NCOA1: variants seen among roughly 807,000 people sequenced by gnomAD.
The protein encoded by NCOA1 is Hin-2 protein.
A neutral mutation model predicts 150.9 loss-of-function variants in NCOA1; 35 were observed. The ratio of observed to expected loss-of-function variants is 0.23; its 90% CI spans 0.18 to 0.31. The LOEUF (loss-of-function observed/expected upper bound fraction) is 0.31, where lower values mean the gene tolerates loss of function less well. Among genes scored for constraint, NCOA1 ranks in the 10% least tolerant of loss-of-function variants. NCOA1 has a pLI of 1.00. For synonymous variants in NCOA1, 590 were observed against 630.0 expected, an observed-to-expected ratio of 0.94 and a Z score of 0.95; for missense variants, 1,491 against 1,749.3, an observed-to-expected ratio of 0.85 and a Z score of 2.63.
At chr2:24,569,062 G>A (rs569409145) in intron 2 of NCOA1, among the ~76,000 whole-genome samples, 1 of 152,160 alleles carries the variant, frequency 6.6e-6, no homozygotes, top group African/African-American at 2.4e-5. Flanking sequence ...AAAAGAAGTT[G>A]CAGCAGGATA....
intron 21 of NCOA1, among the ~76,000 whole-genome samples, chr2:24,760,519 T>C (rs1378454651): frequency 6.6e-6 from 1 of 152,084 alleles, no homozygotes; most frequent in African/African-American, 2.4e-5. Flanking sequence ...TCTGAAAAAG[T>C]CTTTCACCTT....
At chr2:24,746,254 C>A (rs1190890178) in intron 19 of NCOA1, among the ~76,000 whole-genome samples, 1 of 152,104 alleles carries the variant, frequency 6.6e-6, no homozygotes, top group East Asian at 1.9e-4. Flanking sequence ...TTAACATAGT[C>A]TAGCCCAGCT....
intron 3 of NCOA1, among the ~76,000 whole-genome samples, chr2:24,614,229 T>TTTTTTTTTTTC (rs1668771317): frequency 7.8e-6 from 1 of 127,628 alleles, no homozygotes; most frequent in Non-Finnish European, 1.7e-5. Context: ...TTTTTTTTTT[T>TTTTTTTTTTTC]TTGCTATGGG....
chr2:24,542,961 A>G (rs1259674051), intron 1 of NCOA1, among the ~76,000 whole-genome samples: 5 of 152,220 alleles, frequency 3.3e-5, no homozygotes, highest in African/African-American at 1.2e-4. Context: ...TGGAAACTCA[A>G]AAGTATTTAA....
chr2:24,535,698 T>C (rs866722647), intron 1 of NCOA1, among the ~76,000 whole-genome samples: 1 of 152,210 alleles, frequency 6.6e-6, no homozygotes, highest in African/African-American at 2.4e-5. Flanking sequence ...TTATTTTTCC[T>C]TCACTTATGA....
At chr2:24,724,142 T>C (rs970432492) in intron 14 of NCOA1, among the ~76,000 whole-genome samples, 2 of 152,118 alleles carry the variant, frequency 1.3e-5, no homozygotes, top group Admixed American at 6.6e-5. Context: ...TTTAGCTATA[T>C]TTTAAATGGA....
intron 1 of NCOA1, among the ~76,000 whole-genome samples, chr2:24,499,815 A>C (rs886122353): frequency 3.9e-5 from 6 of 152,188 alleles, no homozygotes; most frequent in South Asian, 4.1e-4. Context: ...AGCCCTGTCT[A>C]TTATTTGACT....
At chr2:24,603,623 C>A (rs1162950450) in intron 3 of NCOA1, among the ~76,000 whole-genome samples, 1 of 152,244 alleles carries the variant, frequency 6.6e-6, no homozygotes, top group African/African-American at 2.4e-5. Flanking sequence ...TCATAAGAAG[C>A]ATCTCCTTAT....
At chr2:24,661,249 C>T (rs1195583262) in intron 5 of NCOA1, among the ~76,000 whole-genome samples, 1 of 152,100 alleles carries the variant, frequency 6.6e-6, no homozygotes, top group Non-Finnish European at 1.5e-5. Context: ...AAGGGCATTT[C>T]CATGATGATT....
chr2:24,673,291 ATG>A (rs1671763015), intron 6 of NCOA1, 73 bp from the exon 7 acceptor site: 2 of 1,000,574 alleles, frequency 2.0e-6, no homozygotes, highest in South Asian at 3.7e-5. Flanking sequence ...TGGTGGATCT[ATG>A]TCTTCGTAAA....
intron 2 of NCOA1, among the ~76,000 whole-genome samples, chr2:24,575,355 C>G (rs1666911124): frequency 6.6e-6 from 1 of 152,058 alleles, no homozygotes; most frequent in Admixed American, 6.5e-5. Context: ...TTCAACACTT[C>G]CATATCTTTT....
chr2:24,540,079 T>C (rs1465599446), intron 1 of NCOA1, among the ~76,000 whole-genome samples: 1 of 152,126 alleles, frequency 6.6e-6, no homozygotes, highest in Admixed American at 6.5e-5. Flanking sequence ...CTGAAAGCAA[T>C]ATGAGATAAG....
intron 3 of NCOA1, among the ~76,000 whole-genome samples, chr2:24,611,102 A>G (rs758677308): frequency 5.9e-5 from 9 of 152,166 alleles, no homozygotes; most frequent in Non-Finnish European, 1.2e-4. Flanking sequence ...CCTTGCTCCC[A>G]TCTCTCCCTC....
At chr2:24,708,747 C>T (rs1477017017) in intron 13 of NCOA1, among the ~76,000 whole-genome samples, 5 of 152,208 alleles carry the variant, frequency 3.3e-5, no homozygotes, top group Non-Finnish European at 5.9e-5. Flanking sequence ...ATAGGTCCTT[C>T]GGTTTCTTGA....
At chr2:24,677,689 G>C (rs935443327) in intron 7 of NCOA1, among the ~76,000 whole-genome samples, 3 of 152,158 alleles carry the variant, frequency 2.0e-5, no homozygotes, top group African/African-American at 7.2e-5. Context: ...CTCCCAAAGT[G>C]CTGGGATTAC....
intron 14 of NCOA1, chr2:24,711,374 A>C (rs1572627614): frequency 3.5e-6 from 1 of 287,818 alleles, no homozygotes; most frequent in Non-Finnish European, 6.4e-6. Context: ...GTCTCACCCA[A>C]AACACCCCAT....
At position 24,687,303 on chromosome 2, in the gene NCOA1, C is replaced by T. The variant is rs56058663; in HGVS notation, c.532+4175C>T. ...GAAAGCTGAAACTGTCCCTGATAAC[C>T]GAATAGATCAGGATAAACATTATCT... On this transcript the variant is annotated intron_variant, in intron 8 of 22. Coordinates refer to ENST00000348332, the MANE Select transcript of NCOA1 (RefSeq NM_003743.5). Among the ~76,000 whole-genome samples, 272 of 152,120 alleles carry T rather than the reference C, an allele frequency of 1.8e-3. 2 individuals are homozygous for T. The highest frequency in any genetic ancestry group is 6.3e-3 in the African/African-American group (260 of 41,496).
In NCOA1 at chr2:24,691,596, G is replaced by A. The variant is rs765981740; in HGVS notation, c.648G>A (p.Gln216=). 3.1e-6 allele frequency: 5 copies of A among 1,614,032 alleles called. No individual in the cohort carries two copies. Among genetic ancestry groups the A allele is most frequent in the South Asian group, 1.1e-5 (1 of 91,084 alleles). The part of the protein sequence containing the change: ...EPGTENQEAC[Q]RYEVMQCFTV... ...GGACCGAGAACCAAGAAGCTTGCCAGCGTTATGAAGTAATGCAGTGTTTCA... is the reference window on the plus strand; with the variant it reads ...GGACCGAGAACCAAGAAGCTTGCCAACGTTATGAAGTAATGCAGTGTTTCA... The change falls in exon 9 of 23, where the codon CAG becomes CAA. Residue 216 remains glutamine (Q), a synonymous_variant. Transcript: ENST00000348332.
In NCOA1 at chr2:24,688,824, C is replaced by G. The variant is rs150974598; in HGVS notation, c.533-2657C>G. On this transcript the variant is annotated intron_variant, in intron 8 of 22. Coordinates refer to ENST00000348332, the MANE Select transcript of NCOA1 (RefSeq NM_003743.5). ...CTTCATCATGAAATCTTTGCCCATT[C>G]CTATGTCCAGAGTGGTATTGCCTAA... 1.8e-4 allele frequency among the ~76,000 whole-genome samples: 28 copies of G among 152,252 alleles called. No individual in the cohort carries two copies. The East Asian group carries it at 4.2e-3, about 23-fold the overall frequency.
Sources: allele counts gnomAD v4.1 joint callset (sites outside exome capture counted in the v4.1 genomes callset), GRCh38; gene constraint gnomAD v4.1.1; transcripts MANE v1.5; gene names NCBI Gene and HGNC (gene_info 2026-07-23, HGNC 2026-07-21).